NUP210: variants seen among roughly 807,000 people sequenced by gnomAD.
The protein encoded by NUP210 is nucleoporin 210, also known as nuclear pore membrane glycoprotein 210.
NUP210 carries 151 observed loss-of-function variants against 196.0 expected under a neutral mutation model. The observed-to-expected ratio is 0.77, with a 90% confidence interval of 0.67 to 0.88. The LOEUF (loss-of-function observed/expected upper bound fraction) is 0.88. Among genes scored for constraint, NUP210 ranks in the 40% least tolerant of loss-of-function variants. The pLI is 0.00. For synonymous variants in NUP210, 1,070 were observed against 1,052.7 expected, an observed-to-expected ratio of 1.02 and a Z score of -0.32; for missense variants, 2,314 against 2,493.7, an observed-to-expected ratio of 0.93 and a Z score of 1.53.
At chr3:13,377,727 T>TA (rs1559336506) in intron 8 of NUP210, among the ~76,000 whole-genome samples, 165 bp from the exon 9 acceptor site, 1 of 72,046 alleles carries the variant, frequency 1.4e-5, no homozygotes, top group African/African-American at 5.4e-5. Flanking sequence ...CCACACCACT[T>TA]ACCTGGAGGC....
intron 12 of NUP210, among the ~76,000 whole-genome samples, chr3:13,372,751 G>A (rs1698774697): frequency 6.6e-6 from 1 of 152,146 alleles, no homozygotes; most frequent in Non-Finnish European, 1.5e-5. Context: ...GAAGGGAAAG[G>A]GCAGGCTCCC....
At chr3:13,407,846 A>G (rs1700047999) in intron 1 of NUP210, among the ~76,000 whole-genome samples, 2 of 152,216 alleles carry the variant, frequency 1.3e-5, no homozygotes, top group African/African-American at 4.8e-5. Flanking sequence ...GTAGTGTTCT[A>G]GGTGCCAAGG....
intron 1 of NUP210, among the ~76,000 whole-genome samples, chr3:13,408,062 A>C (rs1266134049): frequency 1.3e-5 from 2 of 152,146 alleles, no homozygotes; most frequent in Non-Finnish European, 2.9e-5. Context: ...GTGCAAGCAG[A>C]GACTTTAAGG....
At chr3:13,401,365 G>C (rs1374265436) in intron 1 of NUP210, among the ~76,000 whole-genome samples, 1 of 151,360 alleles carries the variant, frequency 6.6e-6, no homozygotes, top group Non-Finnish European at 1.5e-5. Flanking sequence ...CCAGCACAAG[G>C]CCCCTTCCAA....
intron 16 of NUP210, 71 bp downstream of exon 16, chr3:13,358,151 C>A: frequency 7.1e-7 from 1 of 1,416,796 alleles, no homozygotes; most frequent in Non-Finnish European, 9.7e-7. Context: ...GGACCATGGG[C>A]GAGGCCACCA....
Position 13,348,460 on chromosome 3 carries a change from AT to A in NUP210, c.2835+3418del, listed in dbSNP as rs1697837142. ...CCTCGGTTTCACTGGCACTGTACAC[AT>A]TTTTCCCTAACTTGGAACTCCCCTC... On this transcript the variant is annotated intron_variant, in intron 20 of 39. Transcript: ENST00000254508. The surrounding 1 kb of genome is among the most constrained non-coding windows in gnomAD (Gnocchi z 4.0). The A allele has an allele frequency of 1.0e-6, 1 of 985,186 alleles. No homozygotes were observed. The highest frequency in any genetic ancestry group is 1.2e-6 in the Non-Finnish European group (1 of 829,906). 61.0% of individuals were successfully genotyped at this position (985,186 alleles called of 1,614,324 possible). A position where few individuals can be genotyped will look rare whatever the true frequency, so the allele number is the denominator to read the frequency against.
In NUP210 at chr3:13,319,131, C is replaced by A; in HGVS notation, c.5504G>T (p.Arg1835Leu). Reference sequence around the variant, plus strand: ...GAGGGCTGCAGGCACAGCAAGATCCCGGGGCGTGCAGACAGTGTGGTAGGC... The same window carrying A: ...GAGGGCTGCAGGCACAGCAAGATCCAGGGGCGTGCAGACAGTGTGGTAGGC... ...IIAYHTVCTPRDLAVPAALTP... is the reference protein window; with the variant it reads ...IIAYHTVCTPLDLAVPAALTP... The change falls in exon 39 of 40, where the codon CGG becomes CTG. Residue 1835 changes from arginine (R) to leucine (L), a missense_variant. Arg to Leu is a moderately radical substitution (Grantham distance 102). Coordinates refer to ENST00000254508, the MANE Select transcript of NUP210 (RefSeq NM_024923.4). 6.2e-7 allele frequency: 1 copy of A among 1,609,756 alleles called. No individual in the cohort carries two copies.
intron 18 of NUP210, 115 bp downstream of exon 18, chr3:13,353,439 T>G (rs954707387): frequency 6.1e-6 from 5 of 814,380 alleles, no homozygotes; most frequent in Non-Finnish European, 6.1e-6. Flanking sequence ...GGTGGGGGAG[T>G]GGTGGTCAAG....
rs1413131982 is a variant in NUP210, at chr3:13,347,179, A to G, written c.2836-3876T>C. The G allele has an allele frequency of 1.0e-6, 1 of 985,286 alleles. No homozygotes were observed. Among genetic ancestry groups the G allele is most frequent in the East Asian group, 1.1e-4 (1 of 8,812 alleles). 61.0% of individuals were successfully genotyped at this position (985,286 alleles called of 1,614,324 possible). ...AGCTCATAGGACCCAGGAGATGGAG[A>G]GACACAGCTGCGGCTCACAGGAGCT... On this transcript the variant is annotated intron_variant, in intron 20 of 39. Transcript: ENST00000254508. The surrounding 1 kb of genome is among the most constrained non-coding windows in gnomAD (Gnocchi z 4.7).
chr3:13,397,812 G>C (rs561325111), intron 2 of NUP210, among the ~76,000 whole-genome samples: 36 of 152,360 alleles, frequency 2.4e-4, no homozygotes, highest in Non-Finnish European at 3.1e-4. Flanking sequence ...GTTATAGTAT[G>C]ATGAGTTCCC....
At chr3:13,331,269 ATC>A (rs1696984719) in intron 29 of NUP210, among the ~76,000 whole-genome samples, 1 of 152,244 alleles carries the variant, frequency 6.6e-6, no homozygotes, top group Non-Finnish European at 1.5e-5. Context: ...ATTATGCCGT[ATC>A]TGTTACCCTT....
intron 32 of NUP210, 113 bp from the exon 33 acceptor site, chr3:13,326,044 G>A (rs1183362589): frequency 2.2e-6 from 3 of 1,389,010 alleles, no homozygotes; most frequent in African/African-American, 1.4e-5. Context: ...TACCCCCATG[G>A]GGGCTCACTC....
rs906605539 is a variant in NUP210, at chr3:13,357,754, C to A, written c.2328+468G>T. Among the ~76,000 whole-genome samples, 4 of 152,134 alleles carry A rather than the reference C, an allele frequency of 2.6e-5. No homozygotes were observed. The East Asian group carries it at 7.7e-4, about 29-fold the overall frequency. On this transcript the variant is annotated intron_variant, in intron 16 of 39. Transcript: ENST00000254508. ...CTCCCAAGGGACTTTCTTCCTCTCC[C>A]AACACTTACTTTTGAAACACAACCC...
chr3:13,407,287 T>C (rs565805526), intron 1 of NUP210, among the ~76,000 whole-genome samples: 2 of 152,280 alleles, frequency 1.3e-5, no homozygotes, highest in African/African-American at 4.8e-5. Flanking sequence ...CAGTGGCTTG[T>C]GCCTATAGTT....
intron 13 of NUP210, 113 bp downstream of exon 13, chr3:13,371,721 G>GC: frequency 1.1e-6 from 1 of 933,390 alleles, no homozygotes; most frequent in South Asian, 1.6e-5. Flanking sequence ...TTATGTTGCA[G>GC]CCCCTCTGCT....
intron 14 of NUP210, among the ~76,000 whole-genome samples, chr3:13,361,206 G>A (rs1040554081): frequency 6.6e-6 from 1 of 152,200 alleles, no homozygotes; most frequent in African/African-American, 2.4e-5. Context: ...CACGAGCTTC[G>A]AGGGTGAGTT....
Position 13,340,155 on chromosome 3 carries a change from G to T in NUP210, c.3291+81C>A. The T allele has an allele frequency of 6.2e-7, 1 of 1,605,334 alleles. No individual in the cohort carries two copies. The highest frequency in any genetic ancestry group is 8.5e-7 in the Non-Finnish European group (1 of 1,173,826). On this transcript the variant is annotated intron_variant, in intron 24 of 39. Transcript: ENST00000254508. The surrounding 1 kb of genome is among the most constrained non-coding windows in gnomAD (Gnocchi z 4.0). ...TGCCTTCTTCTCCCAGTCACTGCAC[G>T]CAGGGCCAGAGGCGGCGTGCCTGGA...
At chr3:13,406,824 A>C in intron 1 of NUP210, among the ~76,000 whole-genome samples, 1 of 151,480 alleles carries the variant, frequency 6.6e-6, no homozygotes, top group Non-Finnish European at 1.5e-5. Flanking sequence ...CCACTCACCA[A>C]CACCTCTGCC....
chr3:13,405,036 A>G (rs544967758), intron 1 of NUP210, among the ~76,000 whole-genome samples: 7 of 152,150 alleles, frequency 4.6e-5, no homozygotes, highest in Non-Finnish European at 8.8e-5. Flanking sequence ...ACTGTTTTTT[A>G]TTAAAATAAA....
Sources: gnomAD v4.1 joint callset for allele counts (sites outside exome capture counted in the v4.1 genomes callset) on GRCh38, gnomAD v4.1.1 for gene constraint, Gnocchi (gnomAD v3.1) non-coding constraint, MANE v1.5 for transcripts, NCBI Gene and HGNC (gene_info 2026-07-23, HGNC 2026-07-21) for gene names.